Variants in ZNF768 observed in about 807,000 individuals in gnomAD.
ZNF768 encodes zinc finger protein 768.
Under a neutral mutation model 39.7 loss-of-function variants are expected in ZNF768, and 12 were observed. That is an observed-to-expected ratio of 0.30 (90% confidence interval 0.19 to 0.49). ZNF768 has a LOEUF of 0.49. ZNF768 is among the 20% of genes least tolerant of loss of function. The pLI is 0.99. For synonymous variants in ZNF768, 360 were observed against 288.4 expected (o/e 1.25, Z -2.52); for missense variants, 613 against 723.2 (o/e 0.85, Z 1.75).
chr16:30,524,345 A>AGG lies in ZNF768; in HGVS notation c.*171_*172insCC. ...TGCCGGCCTGGCCTCCCTCCAACCC[A>AGG]CTTCCCACAAGTCTCCAGGGCATGT... is the stretch of plus-strand genomic sequence containing the variant. On this transcript the variant is annotated 3_prime_UTR_variant, in exon 2 of 2. Coordinates refer to ENST00000380412, the MANE Select transcript of ZNF768 (RefSeq NM_024671.4). The AGG allele has an allele frequency of 8.8e-7, 1 of 1,134,354 alleles. No individual in the cohort carries two copies. Among genetic ancestry groups the AGG allele is most frequent in the Non-Finnish European group, 1.2e-6 (1 of 839,830 alleles). 70.3% of individuals were successfully genotyped at this position (1,134,354 alleles called of 1,614,324 possible).
upstream of ZNF768, chr16:30,526,715 G>A (rs1289541803): frequency 2.1e-5 from 10 of 477,388 alleles, no homozygotes; most frequent in African/African-American, 2.5e-4. Context: ...GGCGGCCCCC[G>A]GCCCCCGCTC....
upstream of ZNF768, chr16:30,526,793 ACCC>A: frequency 1.3e-5 from 2 of 150,782 alleles, no homozygotes; most frequent in Non-Finnish European, 8.9e-6. Flanking sequence ...GCCGCCCAGC[ACCC>A]CCCCACCCTC....
upstream of ZNF768, chr16:30,526,712 C>A (rs1245200203): frequency 6.6e-6 from 6 of 909,222 alleles, no homozygotes; most frequent in Admixed American, 6.2e-5. Context: ...CCCGGCGGCC[C>A]CCGGCCCCCG....
chr16:30,526,906 C>T, upstream of ZNF768: 1 of 985,438 alleles, frequency 1.0e-6, no homozygotes. Context: ...TGGCATTAAC[C>T]CTGGGCTGGA....
chr16:30,530,676 T>C (rs1188350235), upstream of ZNF768: 1 of 152,218 alleles, frequency 6.6e-6, no homozygotes, highest in East Asian at 1.9e-4. The surrounding 1 kb of genome is among the most constrained non-coding windows in gnomAD (Gnocchi z 4.4). Flanking sequence ...ATAAAGTCAG[T>C]TCATTACTTG....
Position 30,525,492 on chromosome 16 carries a change from A to T in ZNF768, c.648T>A (p.Phe216Leu), listed in dbSNP as rs1292730687. Reference protein sequence around the residue: ...PTGDLPIGPPFEMPTGALLST... With the variant: ...PTGDLPIGPPLEMPTGALLST... ...ACAGCAGGGCCCCTGTGGGCATCTC[A>T]AAAGGTGGCCCTATGGGCAGGTCCC... Residue 216 changes from phenylalanine to leucine, a missense_variant, in exon 2 of 2, where the codon TTT becomes TTA. Around this residue, in one of 4 missense-constraint regions of ZNF768, gnomAD observed 347 missense variants for 326.1 expected, o/e 1.06. Transcript: ENST00000380412. 1.2e-6 allele frequency: 2 copies of T among 1,614,030 alleles called. No homozygotes were observed. Among genetic ancestry groups the T allele is most frequent in the African/African-American group, 2.7e-5 (2 of 74,934 alleles).
Position 30,524,362 on chromosome 16 carries a change from A to C in ZNF768, c.*155T>G. The C allele has an allele frequency of 7.9e-7, 1 of 1,268,306 alleles. No individual in the cohort carries two copies. The highest frequency in any genetic ancestry group is 1.1e-6 in the Non-Finnish European group (1 of 948,572). The allele number at this position is 1,268,306 out of a possible 1,614,324, so 78.6% of individuals were successfully genotyped here. On this transcript the variant is annotated 3_prime_UTR_variant, in exon 2 of 2. Transcript: ENST00000380412. ...TCCAACCCACTTCCCACAAGTCTCC[A>C]GGGCATGTCACTTCCTCCACCCTGG... is the stretch of plus-strand genomic sequence containing the variant.
In ZNF768 at chr16:30,525,501, C is replaced by A. The variant is rs1056488333; in HGVS notation, c.639G>T (p.Gly213=). ...CCCCTGTGGGCATCTCAAAAGGTGG[C>A]CCTATGGGCAGGTCCCCTGTGGGCT... ...GEQPTGDLPI[G]PPFEMPTGAL... Residue 213 remains glycine, a synonymous_variant, in exon 2 of 2, where the codon GGG becomes GGT. Coordinates refer to ENST00000380412, the MANE Select transcript of ZNF768 (RefSeq NM_024671.4). 72 of 1,614,164 alleles carry A rather than the reference C, an allele frequency of 4.5e-5. 1 individual carries two copies. Among genetic ancestry groups the A allele is most frequent in the Non-Finnish European group, 5.7e-5 (67 of 1,180,030 alleles).
upstream of ZNF768, chr16:30,526,684 GA>G (rs2051330092): frequency 1.1e-6 from 1 of 934,862 alleles, no homozygotes; most frequent in African/African-American, 1.8e-5. Context: ...CCTCGGGGAT[GA>G]GGGGCTTCGC....
chr16:30,526,203 G>C, intron 1 of ZNF768, 123 bp downstream of exon 1: 1 of 1,533,814 alleles, frequency 6.5e-7, no homozygotes, highest in Non-Finnish European at 8.8e-7. Flanking sequence ...AGACACCCCA[G>C]TCCCCGCCGG....
chr16:30,525,153 G>A lies in ZNF768; in HGVS notation c.987C>T (p.Ser329=). Residue 329 remains serine, a synonymous_variant, in exon 2 of 2, where the codon AGC becomes AGT. Coordinates refer to ENST00000380412, the MANE Select transcript of ZNF768 (RefSeq NM_024671.4). ...TGCGCTGGTGGCGAAGCAGGTAAGAGCTGTCGGCGAAGGCCTTGCCGCAAC... is the reference window on the plus strand; with the variant it reads ...TGCGCTGGTGGCGAAGCAGGTAAGAACTGTCGGCGAAGGCCTTGCCGCAAC... ...CPRCGKAFAD[S]SYLLRHQRTH... 2 of 1,614,126 alleles carry A rather than the reference G, an allele frequency of 1.2e-6. No individual in the cohort carries two copies. Among genetic ancestry groups the A allele is most frequent in the South Asian group, 2.2e-5 (2 of 91,080 alleles).
upstream of ZNF768, chr16:30,531,074 G>A (rs2051367056): frequency 6.6e-6 from 1 of 152,264 alleles, no homozygotes; most frequent in Non-Finnish European, 1.5e-5. Flanking sequence ...CAAAGATGGT[G>A]CGTACCTAAA....
chr16:30,531,347 T>G (rs915269913), upstream of ZNF768: 1 of 152,228 alleles, frequency 6.6e-6, no homozygotes, highest in African/African-American at 2.4e-5. Context: ...TTTCAAGAGA[T>G]GCCAGAAACC....
Position 30,525,593 on chromosome 16 carries a change from T to G in ZNF768, c.547A>C (p.Lys183Gln), listed in dbSNP as rs201602720. 3.2e-5 allele frequency: 52 copies of G among 1,614,126 alleles called. No individual in the cohort carries two copies. Among genetic ancestry groups the G allele is most frequent in the Non-Finnish European group, 2.5e-5 (30 of 1,180,050 alleles). Residue 183 changes from lysine to glutamine, a missense_variant, in exon 2 of 2, where the codon AAG becomes CAG. By Grantham distance (53) the Lys-to-Gln change is moderately conservative. Transcript: ENST00000380412. Reference protein sequence around the residue: ...GAEMLLNPEEKSPLNISVGVH... With the variant: ...GAEMLLNPEEQSPLNISVGVH... ...CCTACGGAGATATTCAAAGGACTCTTTTCCTCGGGGTTCAGAAGCATCTCC... is the reference window on the plus strand; with the variant it reads ...CCTACGGAGATATTCAAAGGACTCTGTTCCTCGGGGTTCAGAAGCATCTCC...
chr16:30,524,543 G>C lies in ZNF768; in HGVS notation c.1597C>G (p.Arg533Gly), dbSNP rs756053580. 6.2e-7 allele frequency: 1 copy of C among 1,610,464 alleles called. No homozygotes were observed. Among genetic ancestry groups the C allele is most frequent in the South Asian group, 1.1e-5 (1 of 90,962 alleles). The change falls in exon 2 of 2, where the codon CGG becomes GGG. Residue 533 changes from arginine to glycine, a missense_variant. Coordinates refer to ENST00000380412, the MANE Select transcript of ZNF768 (RefSeq NM_024671.4). The part of the protein sequence containing the change: ...SQSSDLIRHQ[R>G]THAAGRR ...CAGCGCCGGCCCGCCGCGTGGGTCCGCTGGTGGCGGATGAGGTCGGAGCTC... is the reference window on the plus strand; with the variant it reads ...CAGCGCCGGCCCGCCGCGTGGGTCCCCTGGTGGCGGATGAGGTCGGAGCTC...
chr16:30,530,010 T>C (rs1350520241), upstream of ZNF768, among the ~76,000 whole-genome samples: 1 of 151,880 alleles, frequency 6.6e-6, no homozygotes, highest in African/African-American at 2.4e-5. The surrounding 1 kb of genome is among the most constrained non-coding windows in gnomAD (Gnocchi z 4.4). Context: ...AATGTATCCT[T>C]AGTAGAGACG....
At position 30,526,468 on chromosome 16, in the gene ZNF768, G is replaced by A. The variant is rs1372608103; in HGVS notation, c.-55C>T. The A allele has an allele frequency of 1.9e-5, 28 of 1,439,730 alleles. No homozygotes were observed. In the East Asian group the frequency reaches 6.1e-4, roughly 31 times the overall value. The allele number at this position is 1,439,730 out of a possible 1,614,324, so 89.2% of individuals were successfully genotyped here. A position where few individuals can be genotyped will look rare whatever the true frequency, so the allele number is the denominator to read the frequency against. Reference sequence around the variant, plus strand: ...GCGATGGCGGCCGATCCCGCGACCCGGCCTCGGTTGCCCCGAGCCGCGGGC... The same window carrying A: ...GCGATGGCGGCCGATCCCGCGACCCAGCCTCGGTTGCCCCGAGCCGCGGGC... On this transcript the variant is annotated 5_prime_UTR_variant, in exon 1 of 2. Transcript: ENST00000380412.
At chr16:30,528,250 C>G (rs2051344983), upstream of ZNF768, 1 of 152,134 alleles carries the variant, frequency 6.6e-6, no homozygotes, top group African/African-American at 2.4e-5. Context: ...TGGAGAGAAA[C>G]TATCTAAATA....
Position 30,525,108 on chromosome 16 carries a change from G to A in ZNF768, c.1032C>T (p.Pro344=), listed in dbSNP as rs1294270392. Residue 344 remains proline, a synonymous_variant, in exon 2 of 2, where the codon CCC becomes CCT. Transcript: ENST00000380412. The part of the protein sequence containing the change: ...RHQRTHSGQK[P]YKCPHCGKAF... The stretch of plus-strand genomic sequence containing the variant: ...CCTTGCCACAATGTGGGCACTTGTA[G>A]GGCTTCTGGCCAGAGTGAGTGCGCT... The A allele has an allele frequency of 4.3e-6, 7 of 1,614,150 alleles. No homozygotes were observed. The Admixed American group carries it at 1.0e-4, about 23-fold the overall frequency.
Sources: allele counts gnomAD v4.1 joint callset (sites outside exome capture counted in the v4.1 genomes callset), GRCh38; gene constraint gnomAD v4.1.1; regional missense constraint gnomAD v4.1.1; non-coding constraint Gnocchi (gnomAD v3.1); transcripts MANE v1.5; gene names NCBI Gene and HGNC (gene_info 2026-07-23, HGNC 2026-07-21).